RAB11FIP3: variants seen among roughly 807,000 people sequenced by gnomAD.
RAB11FIP3 encodes the protein RAB11 family interacting protein 3, also known as rab11 family-interacting protein 3.
RAB11FIP3 carries 17 observed loss-of-function variants against 77.8 expected under a neutral mutation model. The ratio of observed to expected loss-of-function variants is 0.22; its 90% CI spans 0.15 to 0.33. The LOEUF (loss-of-function observed/expected upper bound fraction) is 0.33. Among genes scored for constraint, RAB11FIP3 ranks in the 10% least tolerant of loss-of-function variants. RAB11FIP3 has a pLI of 1.00. For missense variants in RAB11FIP3, 1,005 were observed against 1,011.2 expected (o/e 0.99, Z 0.08); for synonymous variants, 437 against 448.2 (o/e 0.98, Z 0.31).
intron 1 of RAB11FIP3, among the ~76,000 whole-genome samples, chr16:428,775 C>T (rs557148997): frequency 1.3e-5 from 2 of 152,234 alleles, no homozygotes; most frequent in Admixed American, 1.3e-4. Context: ...ATTTGAGAAA[C>T]ATCTTTTGTC....
chr16:456,283 C>T (rs910354375), intron 1 of RAB11FIP3, among the ~76,000 whole-genome samples: 4 of 151,674 alleles, frequency 2.6e-5, no homozygotes, highest in African/African-American at 9.7e-5. Flanking sequence ...AACATTGTCT[C>T]TACCAAAAAT....
chr16:444,902 CAG>C (rs1218456767), intron 1 of RAB11FIP3, among the ~76,000 whole-genome samples: 2 of 151,046 alleles, frequency 1.3e-5, no homozygotes, highest in African/African-American at 4.9e-5. Flanking sequence ...AATACGAAGT[CAG>C]GGGACCGAGC....
rs552687387 is a variant in RAB11FIP3, at chr16:437,259, CAGAG to C, written c.714+10540_714+10543del. ...CGCCACTGCACTCCAGCCTGGGCGA[CAGAG>C]GGAGACTCTGTCTCAGAAAAAAAGG... On this transcript the variant is annotated intron_variant, in intron 1 of 13. Transcript: ENST00000262305. Among the ~76,000 whole-genome samples the C allele has an allele frequency of 6.0e-3, 902 of 150,982 alleles. 11 individuals are homozygous for C. The highest frequency in any genetic ancestry group is 0.021 in the African/African-American group (854 of 41,006).
intron 3 of RAB11FIP3, among the ~76,000 whole-genome samples, chr16:480,789 C>T (rs1361112225): frequency 8.5e-6 from 1 of 117,630 alleles, no homozygotes; most frequent in Non-Finnish European, 2.1e-5. Context: ...TGAGCCACTG[C>T]GCCCGGCCTG....
intron 6 of RAB11FIP3, among the ~76,000 whole-genome samples, chr16:498,280 C>T (rs2031286216): frequency 6.6e-6 from 1 of 152,170 alleles, no homozygotes; most frequent in African/African-American, 2.4e-5. Flanking sequence ...CTCACTCCAT[C>T]CTCCCACCTC....
rs772369700 is a variant in RAB11FIP3 at position 505,575 on chromosome 16, A to G, written c.1447A>G (p.Thr483Ala). ...VLELEKDTAA[T>A]GEQHSRLRQE... ...GGAGCTGGAAAAGGACACGGCAGCC[A>G]CCGGTGAGCAACACAGCCGCCTGAG... The change falls in exon 8 of 14, where the codon ACC becomes GCC. Residue 483 changes from threonine (T) to alanine (A), a missense_variant. This residue lies in a region of RAB11FIP3 where 433 missense variants were observed against 436.1 expected (regional missense o/e 0.99). Transcript: ENST00000262305. This position sits in a 1 kb window ranked among gnomAD's most constrained non-coding sequence, Gnocchi z 4.0. 1.2e-6 allele frequency: 2 copies of G among 1,606,590 alleles called. No individual in the cohort carries two copies. Among genetic ancestry groups the G allele is most frequent in the Non-Finnish European group, 8.5e-7 (1 of 1,179,656 alleles).
At chr16:511,714 A>C (rs555535691) in intron 9 of RAB11FIP3, among the ~76,000 whole-genome samples, 62 of 102,196 alleles carry the variant, frequency 6.1e-4, no homozygotes, top group Middle Eastern at 8.2e-3. Flanking sequence ...CAGAAACTGC[A>C]GGCCAGGTAG....
At chr16:502,834 C>A in intron 6 of RAB11FIP3, 170 bp from the exon 7 acceptor site, 1 of 636,836 alleles carries the variant, frequency 1.6e-6, no homozygotes, top group East Asian at 2.9e-5. Flanking sequence ...GGGACCTCCC[C>A]CTGTATATAG....
At chr16:515,933 G>A (rs939734856) in intron 9 of RAB11FIP3, among the ~76,000 whole-genome samples, 1 of 152,180 alleles carries the variant, frequency 6.6e-6, no homozygotes, top group African/African-American at 2.4e-5. Flanking sequence ...GGGACTGCAG[G>A]GCGCCAGCAC....
chr16:520,306 C>T (rs770649808), intron 12 of RAB11FIP3, 29 bp downstream of exon 12: 11 of 1,547,550 alleles, frequency 7.1e-6, no homozygotes, highest in Non-Finnish European at 9.6e-6. Context: ...CCCTCCCTCA[C>T]ACTCCTGCAG....
In RAB11FIP3 at chr16:444,293, G is replaced by T. The variant is rs866548241; in HGVS notation, c.715-17111G>T. ...GCCTACTTTTCACTACCTTTGTTCCGGTGTGACGTTCTCCTTGTAAAGGGC... is the reference window on the plus strand; with the variant it reads ...GCCTACTTTTCACTACCTTTGTTCCTGTGTGACGTTCTCCTTGTAAAGGGC... On this transcript the variant is annotated intron_variant, in intron 1 of 13. Coordinates refer to ENST00000262305, the MANE Select transcript of RAB11FIP3 (RefSeq NM_014700.4). Among the ~76,000 whole-genome samples the T allele has an allele frequency of 2.0e-5, 3 of 152,132 alleles. No individual in the cohort carries two copies. In the South Asian group the frequency reaches 6.2e-4, roughly 32 times the overall value.
In RAB11FIP3 at chr16:461,683, G is replaced by C. The variant is rs1389703300; in HGVS notation, c.808+186G>C. On this transcript the variant is annotated intron_variant, in intron 2 of 13. Transcript: ENST00000262305. The surrounding 1 kb of genome is among the most constrained non-coding windows in gnomAD (Gnocchi z 4.5). ...TTGTTACCTTCTCCTCACATACCCTGTTTTCCAGAATTTGCTGCGTTAACT... is the reference window on the plus strand; with the variant it reads ...TTGTTACCTTCTCCTCACATACCCTCTTTTCCAGAATTTGCTGCGTTAACT... Among the ~76,000 whole-genome samples, 2 of 151,992 alleles carry C rather than the reference G, an allele frequency of 1.3e-5. No individual in the cohort carries two copies. Among genetic ancestry groups the C allele is most frequent in the Non-Finnish European group, 2.9e-5 (2 of 68,012 alleles).
At chr16:491,446 C>G (rs915743353) in intron 5 of RAB11FIP3, among the ~76,000 whole-genome samples, 6 of 152,064 alleles carry the variant, frequency 3.9e-5, no homozygotes, top group Admixed American at 2.6e-4. Flanking sequence ...CCTGCCTCCT[C>G]CCCTGCATGC....
At chr16:508,655 T>A (rs2031987580) in intron 8 of RAB11FIP3, among the ~76,000 whole-genome samples, 2 of 152,188 alleles carry the variant, frequency 1.3e-5, no homozygotes, top group Non-Finnish European at 2.9e-5. Flanking sequence ...ATTACAGGCA[T>A]GAGCCACCGC....
In RAB11FIP3 at chr16:465,786, T is replaced by G. The variant is rs558566701; in HGVS notation, c.808+4289T>G. On this transcript the variant is annotated intron_variant, in intron 2 of 13. Coordinates refer to ENST00000262305, the MANE Select transcript of RAB11FIP3 (RefSeq NM_014700.4). Reference sequence around the variant, plus strand: ...TGCCACACCTGGCCAATTTTTTGTGTTAGAGATGGGGTTTTGCCATGTTGG... The same window carrying G: ...TGCCACACCTGGCCAATTTTTTGTGGTAGAGATGGGGTTTTGCCATGTTGG... 2.6e-5 allele frequency among the ~76,000 whole-genome samples: 4 copies of G among 152,066 alleles called. No individual in the cohort carries two copies. In the South Asian group the frequency reaches 8.3e-4, roughly 32 times the overall value.
At chr16:497,295 C>T (rs965082614) in intron 6 of RAB11FIP3, 3 of 1,304,378 alleles carry the variant, frequency 2.3e-6, no homozygotes, top group Non-Finnish European at 2.0e-6. Flanking sequence ...TTTCCAGCTT[C>T]GTATAGATCT....
intron 1 of RAB11FIP3, among the ~76,000 whole-genome samples, chr16:428,692 C>T (rs1203051764): frequency 6.6e-6 from 1 of 152,134 alleles, no homozygotes; most frequent in Admixed American, 6.6e-5. Context: ...CCTTAGATGC[C>T]TCTTCTTAGA....
At chr16:475,058 C>T (rs941820118) in intron 3 of RAB11FIP3, 2 of 1,551,498 alleles carry the variant, frequency 1.3e-6, no homozygotes, top group Admixed American at 2.0e-5. Context: ...GTGTACAGAG[C>T]CAGGCCCAGC....
intron 1 of RAB11FIP3, among the ~76,000 whole-genome samples, chr16:448,391 G>T (rs1483673890): frequency 1.3e-5 from 2 of 151,122 alleles, no homozygotes; most frequent in South Asian, 4.2e-4. Flanking sequence ...ATCACCTGAG[G>T]TCAGGAGTTT....
Sources: allele counts gnomAD v4.1 joint callset (sites outside exome capture counted in the v4.1 genomes callset), GRCh38; gene constraint gnomAD v4.1.1; regional missense constraint gnomAD v4.1.1; non-coding constraint Gnocchi (gnomAD v3.1); transcripts MANE v1.5; gene names NCBI Gene and HGNC (gene_info 2026-07-23, HGNC 2026-07-21).